PRKN: variants seen among roughly 807,000 people sequenced by gnomAD.
PRKN encodes the protein E3 ubiquitin-protein ligase parkin.
In PRKN, 56 loss-of-function variants were observed where a neutral mutation model predicts 59.5. That is an observed-to-expected ratio of 0.94 (90% confidence interval 0.76 to 1.18). The LOEUF (loss-of-function observed/expected upper bound fraction) is 1.18, where lower values mean the gene tolerates loss of function less well. Among genes scored for constraint, PRKN ranks in the 50% most tolerant of loss-of-function variants. The probability of loss-of-function intolerance (pLI) is 0.00; values close to 1 mark genes in which losing one functional copy is unlikely to be tolerated. For missense variants in PRKN, 657 were observed against 596.4 expected, an observed-to-expected ratio of 1.10 and a Z score of -1.06; for synonymous variants, 250 against 222.1, an observed-to-expected ratio of 1.13 and a Z score of -1.12.
At chr6:162,227,330 C>T (rs1473224272) in intron 3 of PRKN, among the ~76,000 whole-genome samples, 1 of 152,106 alleles carries the variant, frequency 6.6e-6, no homozygotes, top group East Asian at 1.9e-4. Context: ...ATAAACCAAA[C>T]CACTGCAAAT....
At chr6:162,713,473 A>G (rs1778613115) in intron 1 of PRKN, among the ~76,000 whole-genome samples, 1 of 147,072 alleles carries the variant, frequency 6.8e-6, no homozygotes, top group African/African-American at 2.5e-5. Context: ...CAGCCTGGGC[A>G]ACAGAGTGAG....
intron 7 of PRKN, among the ~76,000 whole-genome samples, chr6:161,757,838 T>TCCCC: frequency 1.3e-5 from 1 of 75,770 alleles, no homozygotes; most frequent in African/African-American, 7.0e-5. Flanking sequence ...ACTCCATCTC[T>TCCCC]CTCTCTCTCT....
intron 2 of PRKN, among the ~76,000 whole-genome samples, chr6:162,315,986 G>C (rs1045605846): frequency 6.6e-6 from 1 of 151,366 alleles, no homozygotes; most frequent in Admixed American, 6.6e-5. Flanking sequence ...CTGGCCATCA[G>C]GCAGCTAACA....
chr6:161,664,908 C>A (rs1349163271), intron 7 of PRKN, among the ~76,000 whole-genome samples: 1 of 151,706 alleles, frequency 6.6e-6, no homozygotes, highest in Non-Finnish European at 1.5e-5. Context: ...TCTGCCTCAG[C>A]CTCCCGAGTA....
chr6:161,416,775 G>C (rs895523325), intron 9 of PRKN, among the ~76,000 whole-genome samples: 1 of 152,172 alleles, frequency 6.6e-6, no homozygotes, highest in Non-Finnish European at 1.5e-5. Flanking sequence ...GGCAAGGCTT[G>C]TATCAACCGT....
rs1480822042 is a variant in PRKN at position 161,498,107 on chromosome 6, A to T, written c.1083+50747T>A. 1.3e-5 allele frequency among the ~76,000 whole-genome samples: 2 copies of T among 152,116 alleles called. No individual in the cohort carries two copies. Among genetic ancestry groups the T allele is most frequent in the East Asian group, 3.9e-4 (2 of 5,188 alleles). On this transcript the variant is annotated intron_variant, in intron 9 of 11. Transcript: ENST00000366898. The surrounding 1 kb of genome is among the most constrained non-coding windows in gnomAD (Gnocchi z 4.2). ...ATTAGTTATTTATAAAGCTCTTATT[A>T]GATTGGTTAAATTCACATGTGGGAA...
At chr6:161,783,415 T>G (rs549859793) in intron 7 of PRKN, among the ~76,000 whole-genome samples, 5 of 152,304 alleles carry the variant, frequency 3.3e-5, no homozygotes, top group Non-Finnish European at 5.9e-5. Context: ...GAAAAATGGC[T>G]GCTTGCAGGT....
intron 7 of PRKN, among the ~76,000 whole-genome samples, chr6:161,644,948 G>C (rs1359931871): frequency 1.3e-5 from 2 of 152,192 alleles, no homozygotes; most frequent in African/African-American, 4.8e-5. Flanking sequence ...AGCAGAAGTA[G>C]GGGTAAGACC....
rs190859248 is a variant in PRKN at position 162,036,216 on chromosome 6, C to T, written c.618+17875G>A. Among the ~76,000 whole-genome samples the T allele has an allele frequency of 8.4e-3, 1,269 of 151,236 alleles. 22 individuals carry two copies. Among genetic ancestry groups the T allele is most frequent in the African/African-American group, 0.029 (1,202 of 41,334 alleles). Reference sequence around the variant, plus strand: ...GCGGGCGCCTGTAGTCCCAGCTACTCGGGAGGCTGCGGCAGGAGAATGGCG... The same window carrying T: ...GCGGGCGCCTGTAGTCCCAGCTACTTGGGAGGCTGCGGCAGGAGAATGGCG... On this transcript the variant is annotated intron_variant, in intron 5 of 11. Coordinates refer to ENST00000366898, the MANE Select transcript of PRKN (RefSeq NM_004562.3).
chr6:162,077,287 A>G (rs563913840), intron 4 of PRKN, among the ~76,000 whole-genome samples: 5 of 152,218 alleles, frequency 3.3e-5, no homozygotes, highest in African/African-American at 1.2e-4. Flanking sequence ...CAATAGGCTG[A>G]CCTATTCTCT....
chr6:162,288,290 G>A (rs1781282551), intron 2 of PRKN, among the ~76,000 whole-genome samples: 1 of 152,150 alleles, frequency 6.6e-6, no homozygotes, highest in African/African-American at 2.4e-5. Flanking sequence ...GTCTAAGGTA[G>A]CTCTTGAGTG....
Position 161,840,048 on chromosome 6 carries a change from G to A in PRKN, c.735-54140C>T, listed in dbSNP as rs80333476. Among the ~76,000 whole-genome samples, 376 of 152,360 alleles carry A rather than the reference G, an allele frequency of 2.5e-3. 1 individual carries two copies. The highest frequency in any genetic ancestry group is 8.6e-3 in the African/African-American group (356 of 41,588). ...TGGGCAACACTTGCCTACAGTTGGC[G>A]GAGCCAGCATGGACAGCATCTCTCT... On this transcript the variant is annotated intron_variant, in intron 6 of 11. Coordinates refer to ENST00000366898, the MANE Select transcript of PRKN (RefSeq NM_004562.3).
In PRKN at chr6:161,870,695, C is replaced by T. The variant is rs531350114; in HGVS notation, c.735-84787G>A. On this transcript the variant is annotated intron_variant, in intron 6 of 11. Coordinates refer to ENST00000366898, the MANE Select transcript of PRKN (RefSeq NM_004562.3). Reference sequence around the variant, plus strand: ...GCTGGCCTGTGAAGGAAAGGCAATACGAGAGAAATGATTAATTATTAACTG... The same window carrying T: ...GCTGGCCTGTGAAGGAAAGGCAATATGAGAGAAATGATTAATTATTAACTG... Among the ~76,000 whole-genome samples, 134 of 152,162 alleles carry T rather than the reference C, an allele frequency of 8.8e-4. 2 individuals carry two copies. The highest frequency in any genetic ancestry group is 2.9e-3 in the African/African-American group (121 of 41,526).
chr6:162,349,270 C>T lies in PRKN; in HGVS notation c.172-86505G>A, dbSNP rs532389264. On this transcript the variant is annotated intron_variant, in intron 2 of 11. Coordinates refer to ENST00000366898, the MANE Select transcript of PRKN (RefSeq NM_004562.3). ...ATCACTTGAGGTCAGGAGTTCAAGA[C>T]CAGCCTGGCCAATATGGTGAAACCA... Among the ~76,000 whole-genome samples, 4 of 152,196 alleles carry T rather than the reference C, an allele frequency of 2.6e-5. No individual in the cohort carries two copies. In the East Asian group the frequency reaches 7.7e-4, roughly 29 times the overall value.
At chr6:162,574,523 C>A (rs1388091764) in intron 1 of PRKN, among the ~76,000 whole-genome samples, 1 of 152,158 alleles carries the variant, frequency 6.6e-6, no homozygotes, top group African/African-American at 2.4e-5. Context: ...TGGATCTTCA[C>A]ATTGAATATT....
intron 2 of PRKN, among the ~76,000 whole-genome samples, chr6:162,309,704 T>A (rs1345107028): frequency 6.6e-6 from 1 of 152,096 alleles, no homozygotes; most frequent in African/African-American, 2.4e-5. Flanking sequence ...TTAGATTAGA[T>A]TTTTTTTAAC....
intron 1 of PRKN, among the ~76,000 whole-genome samples, chr6:162,515,943 C>A (rs1696147996): frequency 6.6e-6 from 1 of 152,194 alleles, no homozygotes; most frequent in African/African-American, 2.4e-5. Flanking sequence ...GTCCCAGGAA[C>A]GCCCTGAAGT....
intron 6 of PRKN, among the ~76,000 whole-genome samples, chr6:161,837,812 G>A (rs573829582): frequency 5.9e-5 from 9 of 152,282 alleles, no homozygotes; most frequent in Non-Finnish European, 1.3e-4. Context: ...TCTGTAATTT[G>A]CATTGTATGA....
intron 6 of PRKN, among the ~76,000 whole-genome samples, chr6:161,911,350 A>G (rs1398119760): frequency 6.6e-6 from 1 of 152,162 alleles, no homozygotes; most frequent in Non-Finnish European, 1.5e-5. Flanking sequence ...ATACAGATGA[A>G]TTTAGTCATT....
Sources: allele counts gnomAD v4.1 joint callset (sites outside exome capture counted in the v4.1 genomes callset), GRCh38; gene constraint gnomAD v4.1.1; non-coding constraint Gnocchi (gnomAD v3.1); transcripts MANE v1.5; gene names NCBI Gene and HGNC (gene_info 2026-07-23, HGNC 2026-07-21).